Variants in DST observed in about 807,000 individuals in gnomAD.
DST encodes the protein dystonin, also known as bullous pemphigoid antigen.
In DST, 253 loss-of-function variants were observed where a neutral mutation model predicts 875.2. That is an observed-to-expected ratio of 0.29 (90% confidence interval 0.26 to 0.32). DST has a LOEUF of 0.32. Among genes scored for constraint, DST ranks in the 10% least tolerant of loss-of-function variants. The pLI, the probability that DST is intolerant of heterozygous loss-of-function variation, is 1.00. For missense variants in DST, 8,287 were observed against 9,111.6 expected, an observed-to-expected ratio of 0.91 and a Z score of 3.68; for synonymous variants, 3,124 against 3,197.1, an observed-to-expected ratio of 0.98 and a Z score of 0.77.
intron 80 of DST, 132 bp from the exon 81 acceptor site, chr6:56,498,185 T>G (rs2095987567): frequency 2.0e-5 from 18 of 896,728 alleles, no homozygotes; most frequent in Non-Finnish European, 3.0e-5. Context: ...TTTTAATTTT[T>G]TTTAAAGAGA....
intron 5 of DST, among the ~76,000 whole-genome samples, chr6:56,729,746 C>T (rs1483857749): frequency 6.6e-6 from 1 of 152,056 alleles, no homozygotes; most frequent in Non-Finnish European, 1.5e-5. Context: ...ACTGTGTTCT[C>T]AGCTTGAGGA....
chr6:56,851,533 G>A lies in DST; in HGVS notation c.489C>T (p.Ser163=). 1.9e-6 allele frequency: 3 copies of A among 1,614,030 alleles called. No individual in the cohort carries two copies. Among genetic ancestry groups the A allele is most frequent in the Non-Finnish European group, 2.5e-6 (3 of 1,179,896 alleles). Residue 163 remains serine, a synonymous_variant, in exon 4 of 104, where the codon AGC becomes AGT. Transcript: ENST00000680361. ...SADFSDEDDF[S]QKSGSASPAP... ...CTGGGGATGCGGAGCCAGATTTCTG[G>A]CTGAAATCATCCTCATCGGAAAAAT... is the stretch of plus-strand genomic sequence containing the variant.
chr6:56,617,079 T>TA lies in DST; in HGVS notation c.4930-2596dup, dbSNP rs2152731563. On this transcript the variant is annotated intron_variant, in intron 36 of 103. Coordinates refer to ENST00000680361, the MANE Select transcript of DST (RefSeq NM_001374736.1). ...GAGGTGGCTTTCGTCAGAAACTTGT[T>TA]AAGAGTTTTCTGAACTTCTTCAACA... The TA allele has an allele frequency of 6.2e-7, 1 of 1,614,040 alleles. No homozygotes were observed. The highest frequency in any genetic ancestry group is 8.5e-7 in the Non-Finnish European group (1 of 1,179,930).
intron 3 of DST, among the ~76,000 whole-genome samples, chr6:56,878,980 G>A (rs1026304441): frequency 6.6e-6 from 1 of 152,122 alleles, no homozygotes; most frequent in African/African-American, 2.4e-5. Flanking sequence ...GTAAAGTTGT[G>A]GCACCTGCCT....
At chr6:56,548,859 T>G (rs779247560) in intron 61 of DST, among the ~76,000 whole-genome samples, 1 of 152,232 alleles carries the variant, frequency 6.6e-6, no homozygotes, top group Non-Finnish European at 1.5e-5. Flanking sequence ...TCAAAATAGT[T>G]TTAAAACGTC....
rs2099475860 is a variant in DST at position 56,728,203 on chromosome 6, AAC to A, written c.687+7023_687+7024del. 2.0e-5 allele frequency among the ~76,000 whole-genome samples: 3 copies of A among 152,258 alleles called. No homozygotes were observed. In the South Asian group the frequency reaches 6.2e-4, roughly 32 times the overall value. On this transcript the variant is annotated intron_variant, in intron 5 of 103. Coordinates refer to ENST00000680361, the MANE Select transcript of DST (RefSeq NM_001374736.1). ...AAGATAGTTCACAATTTTATCAACA[AAC>A]ACTAAAATGACTTATAATTGCTTAA...
At chr6:56,653,222 C>A (rs183785452) in intron 10 of DST, among the ~76,000 whole-genome samples, 1 of 152,290 alleles carries the variant, frequency 6.6e-6, no homozygotes, top group East Asian at 1.9e-4. Flanking sequence ...ATGACATAGT[C>A]ATTTCAACAC....
At chr6:56,892,347 A>C in intron 3 of DST, among the ~76,000 whole-genome samples, 1 of 134,324 alleles carries the variant, frequency 7.4e-6, no homozygotes. Context: ...TTTTTCAGAC[A>C]GTGTCTTGCT....
Position 56,592,166 on chromosome 6 carries a change from T to A in DST, c.12903+16A>T. The A allele has an allele frequency of 6.2e-7, 1 of 1,609,014 alleles. No homozygotes were observed. The highest frequency in any genetic ancestry group is 1.1e-5 in the South Asian group (1 of 89,600). On this transcript the variant is annotated intron_variant, in intron 49 of 103. Coordinates refer to ENST00000680361, the MANE Select transcript of DST (RefSeq NM_001374736.1). ...GTAAGACTACTGGAAATGTGGATCT[T>A]TCTCTCGCTTTTTACCTTGGTCTCT...
intron 71 of DST, among the ~76,000 whole-genome samples, chr6:56,516,970 T>G (rs1177952482): frequency 6.6e-6 from 1 of 152,204 alleles, no homozygotes; most frequent in Non-Finnish European, 1.5e-5. Flanking sequence ...GTCTCAAACC[T>G]TAATAGCCTT....
chr6:56,504,360 A>T (rs995023798), intron 77 of DST, among the ~76,000 whole-genome samples: 8 of 152,138 alleles, frequency 5.3e-5, no homozygotes, highest in Non-Finnish European at 1.0e-4. Flanking sequence ...TGAACTTCTA[A>T]AAAAATCATT....
intron 36 of DST, chr6:56,618,377 A>G (rs1332238836): frequency 6.2e-7 from 1 of 1,613,988 alleles, no homozygotes; most frequent in Non-Finnish European, 8.5e-7. Flanking sequence ...GCACTCCTTC[A>G]CTGTCATCTC....
intron 5 of DST, among the ~76,000 whole-genome samples, chr6:56,727,845 ATGTAGTTCTGTGGAG>A (rs1685324700): frequency 6.6e-6 from 1 of 152,202 alleles, no homozygotes; most frequent in Admixed American, 6.5e-5. Context: ...CAATGGCATG[ATGTAGTTCTGTGGAG>A]CCAGGAAGGA....
chr6:56,620,664 G>A lies in DST; in HGVS notation c.4929+3866C>T, dbSNP rs201045495. On this transcript the variant is annotated intron_variant, in intron 36 of 103. Transcript: ENST00000680361. ...TCAAGCACTGTTGCCTTCTGACGCT[G>A]AAGCAGATCTGAATATGCCCCATGT... 4.5e-5 allele frequency: 73 copies of A among 1,614,108 alleles called. No individual in the cohort carries two copies. The Middle Eastern group carries it at 9.9e-4, about 22-fold the overall frequency.
chr6:56,710,065 C>A (rs2099357075), intron 5 of DST, among the ~76,000 whole-genome samples: 1 of 152,168 alleles, frequency 6.6e-6, no homozygotes, highest in African/African-American at 2.4e-5. Context: ...GAATTTTAAA[C>A]AGAATGAGGC....
At chr6:56,503,624 C>CACACAT (rs1389616092) in intron 78 of DST, among the ~76,000 whole-genome samples, 1 of 151,392 alleles carries the variant, frequency 6.6e-6, no homozygotes, top group East Asian at 1.9e-4. Flanking sequence ...CACACACACA[C>CACACAT]ACACCCCATG....
intron 2 of DST, among the ~76,000 whole-genome samples, chr6:56,929,847 AGAG>A (rs1809211604): frequency 6.6e-6 from 1 of 152,252 alleles, no homozygotes; most frequent in Admixed American, 6.5e-5. Context: ...TAGCCAAAGA[AGAG>A]AAGAAAAGAA....
At chr6:56,601,820 C>A in intron 43 of DST, 144 bp from the exon 44 acceptor site, 1 of 563,186 alleles carries the variant, frequency 1.8e-6, no homozygotes, top group South Asian at 2.7e-5. Context: ...CATCAAAAAT[C>A]TATTTATCAT....
Position 56,493,995 on chromosome 6 carries a change from A to C in DST, c.20394+15T>G, listed in dbSNP as rs1447753281. ...ACTAAAACACTGATTCTATTATATTAATCAAAGCACATACTTTCCTTTCAT... is the reference window on the plus strand; with the variant it reads ...ACTAAAACACTGATTCTATTATATTCATCAAAGCACATACTTTCCTTTCAT... On this transcript the variant is annotated intron_variant, in intron 83 of 103. Coordinates refer to ENST00000680361, the MANE Select transcript of DST (RefSeq NM_001374736.1). 2.6e-6 allele frequency: 4 copies of C among 1,554,460 alleles called. No individual in the cohort carries two copies. Among genetic ancestry groups the C allele is most frequent in the African/African-American group, 2.7e-5 (2 of 73,556 alleles).
Sources: gnomAD v4.1 joint callset for allele counts (sites outside exome capture counted in the v4.1 genomes callset) on GRCh38, gnomAD v4.1.1 for gene constraint, MANE v1.5 for transcripts, NCBI Gene and HGNC (gene_info 2026-07-23, HGNC 2026-07-21) for gene names.